Variants in CADM1 observed in about 807,000 individuals in gnomAD.
The protein encoded by CADM1 is cell adhesion molecule 1.
In CADM1, 15 loss-of-function variants were observed where a neutral mutation model predicts 53.1. That is an observed-to-expected ratio of 0.28 (90% confidence interval 0.19 to 0.44). The LOEUF (loss-of-function observed/expected upper bound fraction) is 0.44. Among genes scored for constraint, CADM1 ranks in the 20% least tolerant of loss-of-function variants. The pLI is 1.00. For missense variants in CADM1, 434 were observed against 611.3 expected, an observed-to-expected ratio of 0.71 and a Z score of 3.06; for synonymous variants, 281 against 243.0, an observed-to-expected ratio of 1.16 and a Z score of -1.45.
intron 1 of CADM1, among the ~76,000 whole-genome samples, chr11:115,282,910 C>T (rs1257214085): frequency 1.3e-5 from 2 of 152,118 alleles, no homozygotes; most frequent in Non-Finnish European, 2.9e-5. Context: ...TAGTAAAATA[C>T]AGTATTCTAC....
At chr11:115,447,869 A>G (rs969771507) in intron 1 of CADM1, among the ~76,000 whole-genome samples, 3 of 152,150 alleles carry the variant, frequency 2.0e-5, no homozygotes, top group Admixed American at 1.3e-4. Context: ...GTCCTCTCCA[A>G]TACTACCTGG....
chr11:115,306,158 A>G (rs1401491446), intron 1 of CADM1, among the ~76,000 whole-genome samples: 4 of 150,968 alleles, frequency 2.6e-5, no homozygotes, highest in African/African-American at 4.9e-5. Flanking sequence ...TGCATACAGG[A>G]TAGTGGTCCC....
intron 1 of CADM1, among the ~76,000 whole-genome samples, chr11:115,356,876 A>G (rs1405423096): frequency 6.6e-6 from 1 of 152,236 alleles, no homozygotes; most frequent in African/African-American, 2.4e-5. Context: ...ATTTTCAGAC[A>G]TGTAACCATT....
Position 115,281,337 on chromosome 11 carries a change from CAA to C in CADM1, c.125-40919_125-40918del, listed in dbSNP as rs144980185. ...TAAATCATGGGAGTATTAATTCAGC[CAA>C]AAGAGTTTAATTTTAGGGAACTGTC... On this transcript the variant is annotated intron_variant, in intron 1 of 11. Coordinates refer to ENST00000331581, the MANE Select transcript of CADM1 (RefSeq NM_001301043.2). Among the ~76,000 whole-genome samples, 735 of 152,234 alleles carry C rather than the reference CAA, an allele frequency of 4.8e-3. 7 individuals are homozygous for C. Among genetic ancestry groups the C allele is most frequent in the African/African-American group, 0.017 (686 of 41,542 alleles).
At chr11:115,421,443 G>T (rs1947754183) in intron 1 of CADM1, among the ~76,000 whole-genome samples, 1 of 152,206 alleles carries the variant, frequency 6.6e-6, no homozygotes, top group African/African-American at 2.4e-5. Context: ...CAACACAGCA[G>T]CTCAGCCACA....
At chr11:115,364,696 G>A (rs544382266) in intron 1 of CADM1, among the ~76,000 whole-genome samples, 6 of 152,174 alleles carry the variant, frequency 3.9e-5, no homozygotes, top group Admixed American at 2.6e-4. Context: ...CACTTAAGTC[G>A]TTGACAGTTT....
chr11:115,261,503 T>C (rs1362361781), intron 1 of CADM1, among the ~76,000 whole-genome samples: 1 of 152,236 alleles, frequency 6.6e-6, no homozygotes, highest in East Asian at 1.9e-4. Flanking sequence ...ATTAATATTT[T>C]AGTGTATTCC....
intron 1 of CADM1, among the ~76,000 whole-genome samples, chr11:115,273,638 TA>T (rs113762278): frequency 0.012 from 1,788 of 149,900 alleles, 30 homozygotes; most frequent in African/African-American, 0.039. Flanking sequence ...TCATCGTGTT[TA>T]AAAAAAAAAA....
intron 1 of CADM1, among the ~76,000 whole-genome samples, chr11:115,364,331 A>T (rs140608615): frequency 1.6e-3 from 246 of 152,296 alleles, no homozygotes; most frequent in African/African-American, 5.5e-3. Context: ...AGTCTCCTTT[A>T]TACTTGAAAC....
rs1940855287 is a variant in CADM1 at position 115,209,605 on chromosome 11, G to C, written c.1047C>G (p.Thr349=). The change falls in exon 8 of 12, where the codon ACC becomes ACG. Residue 349 remains threonine (T), a synonymous_variant. Transcript: ENST00000331581. ...PPTTTTTTTT[T]TTTTILTIIT... ...TGATGGTAAGGATGGTGGTGGTGGT[G>C]GTGGTGGTGGTGGTGGTGGTTGTTG... is the stretch of plus-strand genomic sequence containing the variant. The C allele has an allele frequency of 3.7e-6, 6 of 1,612,180 alleles. No homozygotes were observed. In the East Asian group the frequency reaches 1.3e-4, roughly 36 times the overall value.
chr11:115,330,963 G>A (rs1172706294), intron 1 of CADM1, among the ~76,000 whole-genome samples: 1 of 152,170 alleles, frequency 6.6e-6, no homozygotes, highest in Non-Finnish European at 1.5e-5. Flanking sequence ...CAGGGTACAT[G>A]TTGAGCAGGA....
chr11:115,454,943 T>A (rs556153863), intron 1 of CADM1, among the ~76,000 whole-genome samples: 27 of 152,308 alleles, frequency 1.8e-4, no homozygotes, highest in African/African-American at 5.5e-4. Context: ...TCTCTCCCAG[T>A]TTCCTTGCCA....
intron 1 of CADM1, among the ~76,000 whole-genome samples, chr11:115,439,431 C>T (rs1007944535): frequency 3.3e-5 from 5 of 152,164 alleles, no homozygotes; most frequent in Non-Finnish European, 1.5e-5. Flanking sequence ...AACATCTTTG[C>T]CTCCTAGTTC....
chr11:115,236,729 T>C (rs1942023810), intron 3 of CADM1, among the ~76,000 whole-genome samples: 1 of 151,940 alleles, frequency 6.6e-6, no homozygotes, highest in Non-Finnish European at 1.5e-5. Flanking sequence ...AAACAAAAGA[T>C]GTGTGCCTTT....
At chr11:115,434,388 T>C (rs114841723) in intron 1 of CADM1, among the ~76,000 whole-genome samples, 187 of 152,328 alleles carry the variant, frequency 1.2e-3, no homozygotes, top group African/African-American at 4.0e-3. Context: ...GGACCTACCA[T>C]ATGCAAGGCA....
chr11:115,270,449 A>G (rs1289992015), intron 1 of CADM1, among the ~76,000 whole-genome samples: 3 of 152,112 alleles, frequency 2.0e-5, no homozygotes, highest in Non-Finnish European at 4.4e-5. Flanking sequence ...TATTCCCCAT[A>G]ACTTCTGGGC....
At chr11:115,242,888 AAATAACTGT>A (rs1183938893) in intron 1 of CADM1, among the ~76,000 whole-genome samples, 1 of 152,204 alleles carries the variant, frequency 6.6e-6, no homozygotes, top group Non-Finnish European at 1.5e-5. Flanking sequence ...GTTCCTGTGG[AAATAACTGT>A]ATGCTTTAAT....
chr11:115,497,492 C>T (rs1009025411), intron 1 of CADM1, among the ~76,000 whole-genome samples: 2 of 152,164 alleles, frequency 1.3e-5, no homozygotes, highest in Admixed American at 6.5e-5. Context: ...ATATCTACAT[C>T]GCCCTTTTTT....
chr11:115,367,866 CAT>C (rs1433647900), intron 1 of CADM1, among the ~76,000 whole-genome samples: 1 of 151,794 alleles, frequency 6.6e-6, no homozygotes, highest in African/African-American at 2.4e-5. Context: ...TCTCATTTTC[CAT>C]ATGAGATGAT....
Sources: allele counts gnomAD v4.1 joint callset (sites outside exome capture counted in the v4.1 genomes callset), GRCh38; gene constraint gnomAD v4.1.1; transcripts MANE v1.5; gene names NCBI Gene and HGNC (gene_info 2026-07-23, HGNC 2026-07-21).